The following SCHIP1 variants were observed in gnomAD, a reference collection of about 807,000 sequenced individuals.
SCHIP1 encodes the protein schwannomin-interacting protein 1.
Under a neutral mutation model 29.7 loss-of-function variants are expected in SCHIP1, and 8 were observed. The ratio of observed to expected loss-of-function variants is 0.27; its 90% CI spans 0.16 to 0.49. The LOEUF (loss-of-function observed/expected upper bound fraction) is 0.49, where lower values mean the gene tolerates loss of function less well. Ranked by LOEUF, SCHIP1 falls within the 20% of genes least tolerant of loss-of-function variation. SCHIP1 has a pLI of 0.99. For missense variants in SCHIP1, 193 were observed against 294.6 expected (o/e 0.66, Z 2.52); for synonymous variants, 76 against 94.9 (o/e 0.80, Z 1.16).
At chr3:159,884,505 C>G (rs906945870) in intron 2 of SCHIP1, among the ~76,000 whole-genome samples, 1 of 151,998 alleles carries the variant, frequency 6.6e-6, no homozygotes, top group East Asian at 1.9e-4. Flanking sequence ...GATTCTACAT[C>G]AGGGATTATT....
chr3:159,491,556 GA>G, the SCHIP1 span, among the ~76,000 whole-genome samples: 1 of 152,218 alleles, frequency 6.6e-6, no homozygotes. Flanking sequence ...GAGGCTGGGG[GA>G]GGGGCGCCCA....
the SCHIP1 span, among the ~76,000 whole-genome samples, chr3:159,394,634 T>G: frequency 6.6e-6 from 1 of 152,072 alleles, no homozygotes; most frequent in African/African-American, 2.4e-5. Flanking sequence ...TTTGCGTATA[T>G]TGAACCAGCC....
At chr3:159,361,591 T>A in the SCHIP1 span, among the ~76,000 whole-genome samples, 1 of 152,150 alleles carries the variant, frequency 6.6e-6, no homozygotes, top group African/African-American at 2.4e-5. Flanking sequence ...TGATATGACT[T>A]ACATTAAGAA....
At chr3:159,348,866 C>A in the SCHIP1 span, among the ~76,000 whole-genome samples, 21 of 152,120 alleles carry the variant, frequency 1.4e-4, no homozygotes, top group Non-Finnish European at 1.5e-5. Context: ...GGAAATAGTT[C>A]TTTCTTTTCT....
the SCHIP1 span, among the ~76,000 whole-genome samples, chr3:159,458,986 C>A: frequency 7.2e-5 from 11 of 152,084 alleles, no homozygotes; most frequent in Non-Finnish European, 1.5e-4. Context: ...CACTGAATAC[C>A]TTTATGCTAT....
the SCHIP1 span, among the ~76,000 whole-genome samples, chr3:159,797,487 ATCT>A: frequency 6.6e-6 from 1 of 152,252 alleles, no homozygotes; most frequent in African/African-American, 2.4e-5. Flanking sequence ...TTGAAATAAA[ATCT>A]TCTGGAACAA....
At chr3:159,608,368 T>C in the SCHIP1 span, among the ~76,000 whole-genome samples, 27 of 152,344 alleles carry the variant, frequency 1.8e-4, no homozygotes, top group East Asian at 2.7e-3. Flanking sequence ...AAAATTGTCA[T>C]GAGTAAAAAG....
the SCHIP1 span, among the ~76,000 whole-genome samples, chr3:159,289,311 C>T: frequency 6.6e-6 from 1 of 152,182 alleles, no homozygotes; most frequent in Admixed American, 6.5e-5. Flanking sequence ...AATTCCTTGC[C>T]ATATCCTAAC....
At chr3:159,713,363 C>T in the SCHIP1 span, among the ~76,000 whole-genome samples, 2 of 152,198 alleles carry the variant, frequency 1.3e-5, no homozygotes, top group Admixed American at 1.3e-4. Flanking sequence ...GGAGGGTAGA[C>T]TTTGGTTCAC....
At chr3:159,413,058 G>A in the SCHIP1 span, among the ~76,000 whole-genome samples, 3 of 152,186 alleles carry the variant, frequency 2.0e-5, no homozygotes, top group Non-Finnish European at 4.4e-5. Flanking sequence ...CATGGCAGCA[G>A]GAGAGAGAAG....
At chr3:159,838,073 C>T (rs1262658691), upstream of SCHIP1, among the ~76,000 whole-genome samples, 1 of 152,138 alleles carries the variant, frequency 6.6e-6, no homozygotes, top group Non-Finnish European at 1.5e-5. Flanking sequence ...GAAATTGAAG[C>T]CTCTGAGGAT....
the SCHIP1 span, chr3:159,398,990 GA>G: frequency 2.1e-6 from 2 of 974,788 alleles, no homozygotes; most frequent in Non-Finnish European, 2.4e-6. Flanking sequence ...CCAGCCCAGA[GA>G]ACTGTTCCCA....
the SCHIP1 span, among the ~76,000 whole-genome samples, chr3:159,438,206 C>T: frequency 2.0e-5 from 3 of 152,084 alleles, no homozygotes; most frequent in South Asian, 2.1e-4. Context: ...TCTGTCTTAT[C>T]GAAATGGGGT....
chr3:159,844,130 A>G (rs886797979), intron 1 of SCHIP1, among the ~76,000 whole-genome samples: 3 of 152,210 alleles, frequency 2.0e-5, no homozygotes, highest in African/African-American at 7.2e-5. Flanking sequence ...TCTTCTGAGC[A>G]CATCAGGGGT....
the SCHIP1 span, among the ~76,000 whole-genome samples, chr3:159,662,036 C>G: frequency 6.6e-6 from 1 of 152,212 alleles, no homozygotes; most frequent in Admixed American, 6.5e-5. Context: ...CCTGACTCAT[C>G]ATGGTCACCT....
chr3:159,765,275 G>C, the SCHIP1 span: 2 of 1,036,636 alleles, frequency 1.9e-6, no homozygotes, highest in Non-Finnish European at 2.7e-6. Context: ...CCAGGCCAGA[G>C]AGCCTGCCGT....
the SCHIP1 span, among the ~76,000 whole-genome samples, chr3:159,427,989 C>T: frequency 1.3e-4 from 20 of 152,048 alleles, no homozygotes. Flanking sequence ...ACTGGCTAGC[C>T]ATATGTAGAA....
the SCHIP1 span, among the ~76,000 whole-genome samples, chr3:159,473,690 A>AAAAAG: frequency 1.6e-4 from 23 of 147,868 alleles, no homozygotes; most frequent in African/African-American, 4.6e-4. Context: ...AAAAAAAAAA[A>AAAAAG]AAAAGAAAAG....
At chr3:159,720,480 A>G in the SCHIP1 span, among the ~76,000 whole-genome samples, 1 of 152,204 alleles carries the variant, frequency 6.6e-6, no homozygotes. Flanking sequence ...AATTTATTAT[A>G]TTCTAAACAC....
Sources: allele counts gnomAD v4.1 joint callset (sites outside exome capture counted in the v4.1 genomes callset), GRCh38; gene constraint gnomAD v4.1.1; transcripts MANE v1.5; gene names NCBI Gene and HGNC (gene_info 2026-07-23, HGNC 2026-07-21).